Variants in SV2C observed in about 807,000 individuals in gnomAD.
The protein encoded by SV2C is synaptic vesicle glycoprotein 2C.
In SV2C, 49 loss-of-function variants were observed where a neutral mutation model predicts 79.7. That is an observed-to-expected ratio of 0.61 (90% CI 0.49 to 0.78). The LOEUF is 0.78. Among genes scored for constraint, SV2C ranks in the 30% least tolerant of loss-of-function variants. The pLI is 0.00. For synonymous variants in SV2C, 334 were observed against 333.2 expected (o/e 1.00, Z -0.03); for missense variants, 833 against 912.9 (o/e 0.91, Z 1.13).
the SV2C span, among the ~76,000 whole-genome samples, chr5:75,988,160 T>G: frequency 6.6e-6 from 1 of 151,994 alleles, no homozygotes; most frequent in Non-Finnish European, 1.5e-5. Flanking sequence ...AGGACATTAC[T>G]GTATATGTCA....
intron 2 of SV2C, among the ~76,000 whole-genome samples, chr5:76,184,371 C>A (rs1053428358): frequency 6.6e-6 from 1 of 152,190 alleles, no homozygotes; most frequent in Non-Finnish European, 1.5e-5. Context: ...CAAGCAAGAG[C>A]TGTGGAATTA....
At chr5:75,912,844 G>A in the SV2C span, among the ~76,000 whole-genome samples, 1 of 152,292 alleles carries the variant, frequency 6.6e-6, no homozygotes, top group South Asian at 2.1e-4. Flanking sequence ...CCAAAGTAAG[G>A]TACTTTTGCT....
intron 4 of SV2C, among the ~76,000 whole-genome samples, chr5:76,255,814 C>A (rs1224728343): frequency 2.6e-5 from 4 of 152,164 alleles, no homozygotes; most frequent in Non-Finnish European, 4.4e-5. Flanking sequence ...AGACTCTCAT[C>A]TCCGCAGCCA....
the SV2C span, among the ~76,000 whole-genome samples, chr5:75,887,857 G>A: frequency 5.3e-5 from 8 of 152,256 alleles, no homozygotes; most frequent in East Asian, 3.9e-4. Flanking sequence ...TAGTGTAGGA[G>A]CAGATCTTAG....
the SV2C span, among the ~76,000 whole-genome samples, chr5:75,984,582 T>C: frequency 0.026 from 3,250 of 123,046 alleles, 55 homozygotes; most frequent in East Asian, 0.074. Context: ...TATCTATCTA[T>C]CTATCTATCT....
chr5:76,284,303 A>G (rs1286444816), intron 4 of SV2C, among the ~76,000 whole-genome samples: 5 of 151,882 alleles, frequency 3.3e-5, no homozygotes, highest in African/African-American at 1.2e-4. Flanking sequence ...TAATATTTAG[A>G]AGTTGAAGTG....
intron 1 of SV2C, among the ~76,000 whole-genome samples, chr5:76,118,938 G>T (rs56088804): frequency 4.6e-5 from 7 of 152,164 alleles, no homozygotes; most frequent in Non-Finnish European, 1.0e-4. Context: ...AGCCAAGATC[G>T]TGCCACTGTA....
intron 4 of SV2C, chr5:76,281,106 G>A (rs554524265): frequency 1.8e-6 from 1 of 542,332 alleles, no homozygotes; most frequent in East Asian, 5.3e-5. Flanking sequence ...AAGCAGTAGA[G>A]AATTACCTTA....
At chr5:76,049,611 T>C in the SV2C span, among the ~76,000 whole-genome samples, 71,971 of 152,034 alleles carry the variant, frequency 0.47, 17,346 homozygotes, top group East Asian at 0.73. Flanking sequence ...TAGAATTCTA[T>C]TTAATAAGTT....
chr5:75,967,768 C>T, the SV2C span, among the ~76,000 whole-genome samples: 1 of 152,238 alleles, frequency 6.6e-6, no homozygotes, highest in East Asian at 1.9e-4. Flanking sequence ...AAACAAAAGA[C>T]AGCAATAATT....
At chr5:75,947,296 A>G in the SV2C span, among the ~76,000 whole-genome samples, 1 of 151,960 alleles carries the variant, frequency 6.6e-6, no homozygotes, top group Non-Finnish European at 1.5e-5. Context: ...CCTCCAAATT[A>G]TGTCTTTGGA....
At chr5:75,917,243 C>T in the SV2C span, among the ~76,000 whole-genome samples, 11 of 152,128 alleles carry the variant, frequency 7.2e-5, no homozygotes, top group Admixed American at 5.9e-4. Flanking sequence ...CAGCCTGCCA[C>T]CAAACCTTTA....
chr5:76,151,237 G>A (rs1309440872), intron 2 of SV2C, among the ~76,000 whole-genome samples: 1 of 152,210 alleles, frequency 6.6e-6, no homozygotes, highest in Non-Finnish European at 1.5e-5. Flanking sequence ...AGGCACAAAG[G>A]CATGGAAATC....
chr5:76,313,902 A>G (rs1748538034), intron 12 of SV2C, among the ~76,000 whole-genome samples: 1 of 152,216 alleles, frequency 6.6e-6, no homozygotes, highest in Admixed American at 6.5e-5. Flanking sequence ...AGATTTCTAA[A>G]ATGATCTTTA....
chr5:76,067,997 A>G, the SV2C span, among the ~76,000 whole-genome samples: 2 of 152,150 alleles, frequency 1.3e-5, no homozygotes, highest in Non-Finnish European at 2.9e-5. Flanking sequence ...TTCTAAAACT[A>G]TCAATCATGA....
chr5:76,333,015 T>C lies in SV2C; in HGVS notation c.*7468T>C, dbSNP rs1749230081. ...AATCCACTGTTATCTATGGGTGTCA[T>C]TCCTTCAGAAAGAATGTACAGTAAA... On this transcript the variant is annotated 3_prime_UTR_variant, in exon 13 of 13. Coordinates refer to ENST00000502798, the MANE Select transcript of SV2C (RefSeq NM_014979.4). The C allele has an allele frequency of 6.6e-6, 1 of 152,252 alleles. No individual in the cohort carries two copies. The highest frequency in any genetic ancestry group is 2.1e-4 in the South Asian group (1 of 4,834). 9.4% of individuals were successfully genotyped at this position (152,252 alleles called of 1,614,324 possible).
chr5:75,984,680 A>G, the SV2C span, among the ~76,000 whole-genome samples: 2 of 152,018 alleles, frequency 1.3e-5, no homozygotes, highest in South Asian at 4.1e-4. Flanking sequence ...GGAATAGACA[A>G]GAAATTGGCT....
At chr5:76,082,352 G>T (rs937030897), upstream of SV2C, 12 of 152,230 alleles carry the variant, frequency 7.9e-5, no homozygotes, top group African/African-American at 2.2e-4. Flanking sequence ...CTCTCCAGCC[G>T]CCTGGCCCAC....
At chr5:75,931,447 C>A in the SV2C span, among the ~76,000 whole-genome samples, 1 of 152,204 alleles carries the variant, frequency 6.6e-6, no homozygotes, top group African/African-American at 2.4e-5. Flanking sequence ...GGTGATCAAT[C>A]AAAATGCTTT....
Sources: gnomAD v4.1 joint callset for allele counts (sites outside exome capture counted in the v4.1 genomes callset) on GRCh38, gnomAD v4.1.1 for gene constraint, MANE v1.5 for transcripts, NCBI Gene and HGNC (gene_info 2026-07-23, HGNC 2026-07-21) for gene names.